The following ACSS3 variants were observed in gnomAD, a reference collection of about 807,000 sequenced individuals.
The protein encoded by ACSS3 is acyl-CoA synthetase short-chain family member 3, mitochondrial.
A neutral mutation model predicts 84.2 loss-of-function variants in ACSS3; 64 were observed. That is an observed-to-expected ratio of 0.76 (90% CI 0.62 to 0.94). The LOEUF is 0.94. Ranked by LOEUF, ACSS3 falls within the 40% of genes least tolerant of loss-of-function variation. ACSS3 has a pLI of 0.00. For synonymous variants in ACSS3, 317 were observed against 310.1 expected (o/e 1.02, Z -0.23); for missense variants, 815 against 867.6 (o/e 0.94, Z 0.76).
At chr12:81,139,741 T>G (rs1885998169) in intron 4 of ACSS3, among the ~76,000 whole-genome samples, 1 of 151,514 alleles carries the variant, frequency 6.6e-6, no homozygotes. Context: ...GTTCATGCCA[T>G]TCTCCTGCCT....
chr12:81,084,816 A>T (rs567182067), intron 1 of ACSS3, among the ~76,000 whole-genome samples: 1 of 152,316 alleles, frequency 6.6e-6, no homozygotes, highest in South Asian at 2.1e-4. Flanking sequence ...ATTGAAAATC[A>T]AAAAAATATC....
At chr12:81,092,893 A>G (rs1439015973) in intron 1 of ACSS3, among the ~76,000 whole-genome samples, 1 of 152,186 alleles carries the variant, frequency 6.6e-6, no homozygotes, top group Non-Finnish European at 1.5e-5. Context: ...GGCTAGGAAA[A>G]AAAGGATAAA....
At chr12:81,099,094 GTCT>G (rs1347489862) in intron 1 of ACSS3, among the ~76,000 whole-genome samples, 2 of 152,198 alleles carry the variant, frequency 1.3e-5, no homozygotes, top group African/African-American at 2.4e-5. Flanking sequence ...ATCTGTTGTA[GTCT>G]TCTTATGAGT....
intron 2 of ACSS3, among the ~76,000 whole-genome samples, chr12:81,130,092 G>A (rs541307223): frequency 8.5e-4 from 129 of 152,292 alleles, no homozygotes; most frequent in Non-Finnish European, 1.7e-3. Context: ...ACATACATGT[G>A]CATGTGTCTT....
rs762572711 is a variant in ACSS3, at chr12:81,253,686, T to C, written c.1995+16T>C. 3.9e-5 allele frequency: 63 copies of C among 1,602,914 alleles called. No homozygotes were observed. The highest frequency in any genetic ancestry group is 5.3e-5 in the Non-Finnish European group (62 of 1,171,860). On this transcript the variant is annotated intron_variant, in intron 15 of 15. Transcript: ENST00000548058. ...GCCATACAAGGTAAATTATCAAAGA[T>C]ATTTATTCCTGGGTTCTAAGATATT...
rs1450563461 is a variant in ACSS3 at position 81,260,306 on chromosome 12, A to G, written c.*5384A>G. 6.6e-6 allele frequency: 1 copy of G among 152,210 alleles called. No homozygotes were observed. The highest frequency in any genetic ancestry group is 6.5e-5 in the Admixed American group (1 of 15,286). The allele number at this position is 152,210 out of a possible 1,614,324, so 9.4% of individuals were successfully genotyped here. A position where few individuals can be genotyped will look rare whatever the true frequency, so the allele number is the denominator to read the frequency against. On this transcript the variant is annotated 3_prime_UTR_variant, in exon 16 of 16. Coordinates refer to ENST00000548058, the MANE Select transcript of ACSS3 (RefSeq NM_024560.4). ...GAATACTGTTATCCCAATTAATGGT[A>G]AAAACTAGGAAATATGAACTAGAAT...
intron 1 of ACSS3, among the ~76,000 whole-genome samples, chr12:81,083,650 G>T (rs536806529): frequency 6.6e-6 from 1 of 151,292 alleles, no homozygotes; most frequent in Non-Finnish European, 1.5e-5. Context: ...ATGAGCCACC[G>T]TGCCTGGCCC....
intron 11 of ACSS3, among the ~76,000 whole-genome samples, chr12:81,230,815 C>A (rs2033433425): frequency 6.6e-6 from 1 of 151,750 alleles, no homozygotes; most frequent in African/African-American, 2.4e-5. Flanking sequence ...TATTTGATTT[C>A]CACATACTTG....
chr12:81,102,047 A>ACG (rs1882554515), intron 1 of ACSS3, among the ~76,000 whole-genome samples: 1 of 68,468 alleles, frequency 1.5e-5, no homozygotes, highest in Non-Finnish European at 3.3e-5. Flanking sequence ...ATGCACACGC[A>ACG]CACACACACA....
chr12:81,157,288 T>G (rs2135771044), intron 7 of ACSS3, among the ~76,000 whole-genome samples: 1 of 152,288 alleles, frequency 6.6e-6, no homozygotes, highest in South Asian at 2.1e-4. Context: ...AAAAAGTTGT[T>G]TAATAAATTC....
At chr12:81,187,312 C>A (rs549356291) in intron 8 of ACSS3, among the ~76,000 whole-genome samples, 6 of 151,718 alleles carry the variant, frequency 4.0e-5, no homozygotes, top group Admixed American at 3.3e-4. Context: ...CAACATATAA[C>A]TTTCCAACTT....
intron 1 of ACSS3, among the ~76,000 whole-genome samples, chr12:81,096,678 G>A (rs1882081192): frequency 6.8e-6 from 1 of 147,664 alleles, no homozygotes; most frequent in Non-Finnish European, 1.5e-5. Context: ...GTGCCCATAT[G>A]TTCTCATTGT....
chr12:81,260,757 G>C lies in ACSS3; in HGVS notation c.*5835G>C, dbSNP rs894366465. 6.6e-6 allele frequency: 1 copy of C among 152,168 alleles called. No individual in the cohort carries two copies. Among genetic ancestry groups the C allele is most frequent in the East Asian group, 1.9e-4 (1 of 5,196 alleles). The allele number at this position is 152,168 out of a possible 1,614,324, so 9.4% of individuals were successfully genotyped here. A position where few individuals can be genotyped will look rare whatever the true frequency, so the allele number is the denominator to read the frequency against. On this transcript the variant is annotated 3_prime_UTR_variant, in exon 16 of 16. Transcript: ENST00000548058. ...CAAGGCAATGAAAACAGCACAAGGT[G>C]AGTTGTTCCTCTGTCTATAACTGTT... is the stretch of plus-strand genomic sequence containing the variant.
intron 5 of ACSS3, among the ~76,000 whole-genome samples, chr12:81,148,009 AATAT>A (rs35810499): frequency 1.3e-5 from 2 of 151,010 alleles, no homozygotes; most frequent in East Asian, 3.9e-4. Flanking sequence ...TACATATGTA[AATAT>A]ATATATATAT....
chr12:81,205,714 G>A (rs1290836212), intron 9 of ACSS3, among the ~76,000 whole-genome samples: 1 of 151,958 alleles, frequency 6.6e-6, no homozygotes, highest in Admixed American at 6.6e-5. Context: ...ATGTGTCCAT[G>A]TTGATACACT....
chr12:81,163,291 A>G (rs954482857), intron 7 of ACSS3, among the ~76,000 whole-genome samples: 1 of 152,242 alleles, frequency 6.6e-6, no homozygotes, highest in African/African-American at 2.4e-5. Context: ...GATAGATCAC[A>G]TATACATTGT....
chr12:81,121,840 C>A (rs897403220), intron 2 of ACSS3, among the ~76,000 whole-genome samples: 1 of 152,060 alleles, frequency 6.6e-6, no homozygotes, highest in Non-Finnish European at 1.5e-5. Flanking sequence ...CTTATCTGAC[C>A]TTTACGTATT....
At chr12:81,178,399 G>A (rs1278127385) in intron 8 of ACSS3, among the ~76,000 whole-genome samples, 1 of 149,928 alleles carries the variant, frequency 6.7e-6, no homozygotes, top group East Asian at 1.9e-4. Context: ...CACCAGCATG[G>A]CACATGTATA....
chr12:81,210,104 A>G (rs1297688327), intron 9 of ACSS3, among the ~76,000 whole-genome samples: 1 of 152,184 alleles, frequency 6.6e-6, no homozygotes, highest in Non-Finnish European at 1.5e-5. Flanking sequence ...TTTGGAAAGC[A>G]GCCCAGTAGG....
Sources: allele counts gnomAD v4.1 joint callset (sites outside exome capture counted in the v4.1 genomes callset), GRCh38; gene constraint gnomAD v4.1.1; transcripts MANE v1.5; gene names NCBI Gene and HGNC (gene_info 2026-07-23, HGNC 2026-07-21).